The following MSRB1 variants were observed in gnomAD, a reference collection of about 807,000 sequenced individuals.
The protein encoded by MSRB1 is methionine sulfoxide reductase B1, also known as methionine-R-sulfoxide reductase B1.
A neutral mutation model predicts 15.2 loss-of-function variants in MSRB1; 13 were observed. That is an observed-to-expected ratio of 0.86 (90% confidence interval 0.56 to 1.36). The LOEUF (loss-of-function observed/expected upper bound fraction) is 1.36. Ranked by LOEUF, MSRB1 falls within the 40% of genes most tolerant of loss-of-function variation. The pLI is 0.00. For missense variants in MSRB1, 174 were observed against 155.9 expected (o/e 1.12, Z -0.62); for synonymous variants, 68 against 64.5 (o/e 1.05, Z -0.26).
chr16:1,939,668 A>C (rs904772313), intron 3 of MSRB1, among the ~76,000 whole-genome samples: 2 of 151,992 alleles, frequency 1.3e-5, no homozygotes, highest in African/African-American at 2.4e-5. Flanking sequence ...AAATTTTAAA[A>C]ATTGGCTGGG....
At chr16:1,939,198 C>A in intron 3 of MSRB1, 55 bp from the exon 4 acceptor site, 1 of 1,568,052 alleles carries the variant, frequency 6.4e-7, no homozygotes, top group East Asian at 2.3e-5. Context: ...CAAGCAGGGG[C>A]GGAAAGCCGG....
chr16:1,943,184 C>T lies in MSRB1; in HGVS notation c.-28G>A. ...CGCCACCGGAACCGCAGCGCGCTTG[C>T]CGCTGCCAACTGACCAAAGGCTGCC... is the stretch of plus-strand genomic sequence containing the variant. On this transcript the variant is annotated 5_prime_UTR_variant, in exon 1 of 4. Coordinates refer to ENST00000361871, the MANE Select transcript of MSRB1 (RefSeq NM_016332.4). 1 of 1,551,864 alleles carries T rather than the reference C, an allele frequency of 6.4e-7. No homozygotes were observed. The highest frequency in any genetic ancestry group is 8.7e-7 in the Non-Finnish European group (1 of 1,147,852).
At position 1,938,937 on chromosome 16, in the gene MSRB1, C is replaced by A. The variant is rs11554285; in HGVS notation, c.*175G>T. 1 of 879,134 alleles carries A rather than the reference C, an allele frequency of 1.1e-6. No individual in the cohort carries two copies. The highest frequency in any genetic ancestry group is 2.7e-5 in the East Asian group (1 of 37,392). 54.5% of individuals were successfully genotyped at this position (879,134 alleles called of 1,614,324 possible). A position where few individuals can be genotyped will look rare whatever the true frequency, so the allele number is the denominator to read the frequency against. On this transcript the variant is annotated 3_prime_UTR_variant, in exon 4 of 4. Coordinates refer to ENST00000361871, the MANE Select transcript of MSRB1 (RefSeq NM_016332.4). Reference sequence around the variant, plus strand: ...GCATGAACCATCAGCAAATGAGTCTCTTTTCCAAGAAACGAAAAGGTCTTG... The same window carrying A: ...GCATGAACCATCAGCAAATGAGTCTATTTTCCAAGAAACGAAAAGGTCTTG...
chr16:1,938,840 G>T lies in MSRB1; in HGVS notation c.*272C>A. ...TGCACCCAGGGCTCACCTCCTGGAG[G>T]CACCTAGAGTGAGCAGGGGGCTAAG... On this transcript the variant is annotated 3_prime_UTR_variant, in exon 4 of 4. Transcript: ENST00000361871. The T allele has an allele frequency of 1.8e-6, 1 of 542,230 alleles. No homozygotes were observed. Among genetic ancestry groups the T allele is most frequent in the Non-Finnish European group, 3.3e-6 (1 of 307,476 alleles). 33.6% of individuals were successfully genotyped at this position (542,230 alleles called of 1,614,324 possible). A position where few individuals can be genotyped will look rare whatever the true frequency, so the allele number is the denominator to read the frequency against.
At chr16:1,940,018 T>C (rs1267249685) in intron 3 of MSRB1, among the ~76,000 whole-genome samples, 1 of 151,238 alleles carries the variant, frequency 6.6e-6, no homozygotes, top group Admixed American at 6.6e-5. Context: ...ATGCCTATAA[T>C]TCGAGCACTT....
Position 1,941,270 on chromosome 16 carries a change from G to A in MSRB1, c.191C>T (p.Ser64Phe), listed in dbSNP as rs1248806658. Residue 64 changes from serine to phenylalanine, a missense_variant, in exon 2 of 4, where the codon TCT becomes TTT. Coordinates refer to ENST00000361871, the MANE Select transcript of MSRB1 (RefSeq NM_016332.4). ...SVAKRPEHNR[S>F]EALKVSCGKC... is the part of the protein sequence containing the mutation. ...GTGGCCTCTCACCTTCAAGGCTTCA[G>A]ATCTATTGTGCTCCGGACGCTTGGC... is the stretch of plus-strand genomic sequence containing the variant. 2 of 1,613,432 alleles carry A rather than the reference G, an allele frequency of 1.2e-6. No individual in the cohort carries two copies. The highest frequency in any genetic ancestry group is 1.7e-5 in the Admixed American group (1 of 59,964).
intron 2 of MSRB1, 25 bp downstream of exon 2, chr16:1,941,232 C>G: frequency 6.2e-7 from 1 of 1,613,550 alleles, no homozygotes; most frequent in Non-Finnish European, 8.5e-7. Flanking sequence ...GCCCCCGTCC[C>G]TCCCCCACCC....
Position 1,941,294 on chromosome 16 carries a change from G to T in MSRB1, c.167C>A (p.Ala56Asp). The T allele has an allele frequency of 6.2e-7, 1 of 1,613,470 alleles. No homozygotes were observed. The highest frequency in any genetic ancestry group is 8.5e-7 in the Non-Finnish European group (1 of 1,179,940). The change falls in exon 2 of 4, where the codon GCC becomes GAC. Residue 56 changes from alanine to aspartate, a missense_variant. Coordinates refer to ENST00000361871, the MANE Select transcript of MSRB1 (RefSeq NM_016332.4). ...AGATCTATTGTGCTCCGGACGCTTGGCCACGCTGTCGGCGTGAATGGTCTC... is the reference window on the plus strand; with the variant it reads ...AGATCTATTGTGCTCCGGACGCTTGTCCACGCTGTCGGCGTGAATGGTCTC... ...FTETIHADSV[A>D]KRPEHNRSEA...
chr16:1,938,790 G>A lies in MSRB1; in HGVS notation c.*322C>T. The A allele has an allele frequency of 2.3e-6, 1 of 439,894 alleles. No homozygotes were observed. The highest frequency in any genetic ancestry group is 4.1e-6 in the Non-Finnish European group (1 of 245,498). 27.2% of individuals were successfully genotyped at this position (439,894 alleles called of 1,614,324 possible). A position where few individuals can be genotyped will look rare whatever the true frequency, so the allele number is the denominator to read the frequency against. On this transcript the variant is annotated 3_prime_UTR_variant, in exon 4 of 4. Coordinates refer to ENST00000361871, the MANE Select transcript of MSRB1 (RefSeq NM_016332.4). ...GACAGGGCCAGGAAAAGAAGGTGAG[G>A]GTGTAACGTCATTCAGAGACCAGCT...
intron 3 of MSRB1, 33 bp from the exon 4 acceptor site, chr16:1,939,176 G>A (rs372540264): frequency 7.4e-5 from 117 of 1,589,728 alleles, no homozygotes; most frequent in Middle Eastern, 1.7e-4. Flanking sequence ...GAAAGTATGC[G>A]GGGACAGAAA....
chr16:1,940,272 G>GA lies in MSRB1; in HGVS notation c.319+505dup, dbSNP rs1242813427. ...CACGACAGAGCAAGACTCCATCTCA[G>GA]AAAAAAAAAAAAAAAGGATGAGGAT... is the stretch of plus-strand genomic sequence containing the variant. On this transcript the variant is annotated intron_variant, in intron 3 of 3. Transcript: ENST00000361871. Among the ~76,000 whole-genome samples the GA allele has an allele frequency of 6.4e-3, 790 of 123,858 alleles. 5 individuals carry two copies. Among genetic ancestry groups the GA allele is most frequent in the African/African-American group, 0.018 (594 of 33,622 alleles). 81.3% of individuals were successfully genotyped at this position (123,858 alleles called of 152,430 possible).
chr16:1,942,596 C>A (rs559109034), intron 1 of MSRB1, among the ~76,000 whole-genome samples: 1 of 152,240 alleles, frequency 6.6e-6, no homozygotes, highest in Non-Finnish European at 1.5e-5. Context: ...CTGAAGGGGA[C>A]ATTCTATGCT....
chr16:1,941,227 C>G, intron 2 of MSRB1, 30 bp downstream of exon 2: 1 of 1,612,928 alleles, frequency 6.2e-7, no homozygotes, highest in Non-Finnish European at 8.5e-7. Flanking sequence ...TGGCCGCCCC[C>G]GTCCCTCCCC....
chr16:1,938,985 T>C lies in MSRB1; in HGVS notation c.*127A>G, dbSNP rs746770276. 160 of 1,207,036 alleles carry C rather than the reference T, an allele frequency of 1.3e-4. No homozygotes were observed. Among genetic ancestry groups the C allele is most frequent in the Non-Finnish European group, 1.8e-4 (153 of 835,556 alleles). The allele number at this position is 1,207,036 out of a possible 1,614,324, so 74.8% of individuals were successfully genotyped here. On this transcript the variant is annotated 3_prime_UTR_variant, in exon 4 of 4. Transcript: ENST00000361871. ...TTGTTCAGAGCCGGGGCCTTGGGAG[T>C]GTCCTGATGTTTCAACCACTGCGCC...
rs2083086401 is a variant in MSRB1, at chr16:1,942,741, C to G, written c.55+361G>C. Among the ~76,000 whole-genome samples, 3 of 152,230 alleles carry G rather than the reference C, an allele frequency of 2.0e-5. No individual in the cohort carries two copies. The South Asian group carries it at 6.2e-4, about 32-fold the overall frequency. Reference sequence around the variant, plus strand: ...CAAGAACCTGGCCTCTCCGAAGCCCCGACCCTAACCCGAATTCCCCCAGCG... The same window carrying G: ...CAAGAACCTGGCCTCTCCGAAGCCCGGACCCTAACCCGAATTCCCCCAGCG... On this transcript the variant is annotated intron_variant, in intron 1 of 3. Transcript: ENST00000361871.
intron 2 of MSRB1, 71 bp downstream of exon 2, chr16:1,941,186 G>A: frequency 6.3e-7 from 1 of 1,593,802 alleles, no homozygotes; most frequent in Admixed American, 1.8e-5. Flanking sequence ...CAAGCAGAGG[G>A]AGGAAGGTGG....
intron 3 of MSRB1, among the ~76,000 whole-genome samples, chr16:1,939,844 C>T (rs1461446048): frequency 6.6e-6 from 1 of 151,170 alleles, no homozygotes; most frequent in Non-Finnish European, 1.5e-5. Flanking sequence ...ATCCCAGCTA[C>T]TCGGGAGGCT....
In MSRB1 at chr16:1,940,841, C is replaced by G. The variant is rs1433054811; in HGVS notation, c.256G>C (p.Gly86Arg). 1 of 1,614,014 alleles carries G rather than the reference C, an allele frequency of 6.2e-7. No individual in the cohort carries two copies. The highest frequency in any genetic ancestry group is 1.7e-5 in the Admixed American group (1 of 60,006). ...NGLGHEFLND[G>R]PKPGQSRFUI... ...AATCGGGACTGCCCCGGCTTGGGGC[C>G]GTCGTTCAGGAACTCGTGGCCCAAC... Residue 86 changes from glycine (G) to arginine (R), a missense_variant, in exon 3 of 4, where the codon GGC (glycine) becomes CGC (arginine). Coordinates refer to ENST00000361871, the MANE Select transcript of MSRB1 (RefSeq NM_016332.4).
rs2083076159 is a variant in MSRB1 at position 1,941,369 on chromosome 16, A to G, written c.92T>C (p.Phe31Ser). 6.2e-7 allele frequency: 1 copy of G among 1,613,262 alleles called. No homozygotes were observed. Among genetic ancestry groups the G allele is most frequent in the Admixed American group, 1.7e-5 (1 of 59,940 alleles). ...GTGTGCATACTTCGAGCGGCTGGAG[A>G]ACAGCTCATAGCCACACTTGGCACA... ...YVCAKCGYELFSSRSKYAHSS... is the reference protein window; with the variant it reads ...YVCAKCGYELSSSRSKYAHSS... The change falls in exon 2 of 4, where the codon TTC becomes TCC. Residue 31 changes from phenylalanine (F) to serine (S), a missense_variant. Transcript: ENST00000361871.
Sources: gnomAD v4.1 joint callset for allele counts (sites outside exome capture counted in the v4.1 genomes callset) on GRCh38, gnomAD v4.1.1 for gene constraint, MANE v1.5 for transcripts, NCBI Gene and HGNC (gene_info 2026-07-23, HGNC 2026-07-21) for gene names.